USH2A: variants seen among roughly 807,000 people sequenced by gnomAD.
The protein encoded by USH2A is usherin.
Under a neutral mutation model 538.9 loss-of-function variants are expected in USH2A, and 443 were observed. The ratio of observed to expected loss-of-function variants is 0.82; its 90% CI spans 0.76 to 0.89. The LOEUF (loss-of-function observed/expected upper bound fraction) is 0.89, where lower values mean the gene tolerates loss of function less well. Ranked by LOEUF, USH2A falls within the 40% of genes least tolerant of loss-of-function variation. The probability of loss-of-function intolerance (pLI) is 0.00; values close to 1 mark genes in which losing one functional copy is unlikely to be tolerated. For synonymous variants in USH2A, 2,413 were observed against 2,273.5 expected, an observed-to-expected ratio of 1.06 and a Z score of -1.75; for missense variants, 6,633 against 6,324.8, an observed-to-expected ratio of 1.05 and a Z score of -1.65.
At chr1:215,899,023 C>G (rs909299631) in intron 40 of USH2A, among the ~76,000 whole-genome samples, 4 of 152,078 alleles carry the variant, frequency 2.6e-5, no homozygotes, top group African/African-American at 9.7e-5. Flanking sequence ...CATTATTGCT[C>G]ATAAAGGTGG....
Position 216,422,471 on chromosome 1 carries a change from C to T in USH2A, c.-135G>A, listed in dbSNP as rs1257850737. 2 of 1,323,836 alleles carry T rather than the reference C, an allele frequency of 1.5e-6. No homozygotes were observed. Among genetic ancestry groups the T allele is most frequent in the East Asian group, 5.0e-5 (2 of 40,024 alleles). The allele number at this position is 1,323,836 out of a possible 1,614,324, so 82.0% of individuals were successfully genotyped here. On this transcript the variant is annotated 5_prime_UTR_variant, in exon 2 of 72. Coordinates refer to ENST00000307340, the MANE Select transcript of USH2A (RefSeq NM_206933.4). The stretch of plus-strand genomic sequence containing the variant: ...TACTCCATTTTCTGGAAACTGCAGA[C>T]ACGTTCTCAGAGTAAGGTAATACCA...
At chr1:216,300,277 A>G (rs2037188489) in intron 9 of USH2A, among the ~76,000 whole-genome samples, 1 of 152,136 alleles carries the variant, frequency 6.6e-6, no homozygotes, top group African/African-American at 2.4e-5. Context: ...ATGGTTTTCT[A>G]TTTCATGTTT....
At chr1:216,284,409 G>A (rs982101191) in intron 11 of USH2A, among the ~76,000 whole-genome samples, 3 of 152,110 alleles carry the variant, frequency 2.0e-5, no homozygotes, top group Non-Finnish European at 4.4e-5. Flanking sequence ...TCTCCTTGCT[G>A]TCACCATGTG....
In USH2A at chr1:215,741,409, G is replaced by A; in HGVS notation, c.11677C>T (p.Pro3893Ser). 1 of 1,613,874 alleles carries A rather than the reference G, an allele frequency of 6.2e-7. No individual in the cohort carries two copies. Among genetic ancestry groups the A allele is most frequent in the Non-Finnish European group, 8.5e-7 (1 of 1,179,944 alleles). ...IEIKWMPPEK[P>S]NGIIINYFIY... ...AAGTAGTTGATGATGATTCCATTTGGTTTTTCAGGTGGCATCCACTTAATC... is the reference window on the plus strand; with the variant it reads ...AAGTAGTTGATGATGATTCCATTTGATTTTTCAGGTGGCATCCACTTAATC... Residue 3893 changes from proline (P) to serine (S), a missense_variant, in exon 60 of 72, where the codon CCA becomes TCA. Coordinates refer to ENST00000307340, the MANE Select transcript of USH2A (RefSeq NM_206933.4).
intron 50 of USH2A, among the ~76,000 whole-genome samples, chr1:215,797,878 C>T (rs1662189721): frequency 6.6e-6 from 1 of 151,974 alleles, no homozygotes; most frequent in African/African-American, 2.4e-5. Context: ...TTTTGTAAGG[C>T]TATAGCTGCC....
chr1:216,051,635 T>A (rs560861976), intron 30 of USH2A, among the ~76,000 whole-genome samples: 1 of 152,342 alleles, frequency 6.6e-6, no homozygotes, highest in South Asian at 2.1e-4. Context: ...TTTCCCTTTA[T>A]CATCACTTAA....
chr1:216,018,327 G>T (rs1351318469), intron 32 of USH2A, among the ~76,000 whole-genome samples: 2 of 151,236 alleles, frequency 1.3e-5, no homozygotes, highest in Non-Finnish European at 2.9e-5. Context: ...CGCAGCTAGT[G>T]GCTAAACACA....
At chr1:216,213,393 T>C (rs2035282276) in intron 15 of USH2A, among the ~76,000 whole-genome samples, 1 of 152,062 alleles carries the variant, frequency 6.6e-6, no homozygotes, top group African/African-American at 2.4e-5. Flanking sequence ...TGATCTTAGA[T>C]CTCAGTCTTT....
At chr1:216,394,635 T>C (rs540593068) in intron 3 of USH2A, among the ~76,000 whole-genome samples, 15 of 152,196 alleles carry the variant, frequency 9.9e-5, no homozygotes, top group African/African-American at 3.4e-4. Context: ...AAACAGACGT[T>C]TCATAGAAAT....
rs371387260 is a variant in USH2A at position 215,640,800 on chromosome 1, TA to T, written c.14792-67del. The T allele has an allele frequency of 0.15, 137,127 of 938,180 alleles. 329 individuals are homozygous for T. The highest frequency in any genetic ancestry group is 0.23 in the African/African-American group (9,698 of 42,142). 58.1% of individuals were successfully genotyped at this position (938,180 alleles called of 1,614,324 possible). On this transcript the variant is annotated intron_variant, in intron 67 of 71. Coordinates refer to ENST00000307340, the MANE Select transcript of USH2A (RefSeq NM_206933.4). ...TTTGAAGGAGTGCAGGTGTGCACTT[TA>T]AAAAAAAAAAATATGAGCAAAATCA...
chr1:215,964,085 T>A (rs757079167), intron 37 of USH2A, among the ~76,000 whole-genome samples: 4 of 152,070 alleles, frequency 2.6e-5, no homozygotes, highest in Non-Finnish European at 5.9e-5. Flanking sequence ...GAAGATGACA[T>A]GACTTAGAAG....
rs2038868177 is a variant in USH2A, at chr1:216,378,020, A to ATTTGTG, written c.652-12936_652-12935insCACAAA. On this transcript the variant is annotated intron_variant, in intron 3 of 71. Transcript: ENST00000307340. ...GTGCTTCGGATGGTTCTGCCTTCACAAAGCCTGGCTTAGCTTGCCTCAAAG... is the reference window on the plus strand; with the variant it reads ...GTGCTTCGGATGGTTCTGCCTTCACATTTGTGAAGCCTGGCTTAGCTTGCCTCAAAG... Among the ~76,000 whole-genome samples the ATTTGTG allele has an allele frequency of 2.6e-5, 4 of 152,130 alleles. No individual in the cohort carries two copies. In the South Asian group the frequency reaches 8.3e-4, roughly 32 times the overall value.
intron 58 of USH2A, among the ~76,000 whole-genome samples, chr1:215,753,489 T>G (rs1203259233): frequency 6.6e-6 from 1 of 152,106 alleles, no homozygotes; most frequent in Non-Finnish European, 1.5e-5. Context: ...CCATAAAAAA[T>G]GATGAGTTCA....
At chr1:216,031,302 G>A (rs1374636968) in intron 32 of USH2A, among the ~76,000 whole-genome samples, 1 of 152,036 alleles carries the variant, frequency 6.6e-6, no homozygotes, top group African/African-American at 2.4e-5. Flanking sequence ...TGTAGGCTTA[G>A]TATCTACAGC....
At chr1:216,176,703 C>T (rs1170554024) in intron 20 of USH2A, among the ~76,000 whole-genome samples, 1 of 152,064 alleles carries the variant, frequency 6.6e-6, no homozygotes, top group African/African-American at 2.4e-5. Flanking sequence ...CCTCTGTGCC[C>T]TGCCTATTCA....
At chr1:216,170,246 G>T (rs2034250466) in intron 21 of USH2A, among the ~76,000 whole-genome samples, 1 of 151,860 alleles carries the variant, frequency 6.6e-6, no homozygotes, top group South Asian at 2.1e-4. Context: ...GATTTTTGGT[G>T]GTTGCATTTC....
intron 37 of USH2A, among the ~76,000 whole-genome samples, chr1:215,935,355 C>G (rs1175219546): frequency 6.6e-6 from 1 of 151,908 alleles, no homozygotes; most frequent in Non-Finnish European, 1.5e-5. Flanking sequence ...ATCTAATGCC[C>G]TTTTAAATTT....
intron 9 of USH2A, among the ~76,000 whole-genome samples, chr1:216,298,431 T>C (rs1163106540): frequency 2.6e-5 from 4 of 152,212 alleles, no homozygotes; most frequent in African/African-American, 2.4e-5. Flanking sequence ...AAAAGCCTAA[T>C]TGTAAATAAG....
intron 11 of USH2A, among the ~76,000 whole-genome samples, chr1:216,251,611 C>T (rs2036165128): frequency 6.6e-6 from 1 of 151,912 alleles, no homozygotes; most frequent in South Asian, 2.1e-4. Flanking sequence ...CCACCACGCT[C>T]AGCTAATTTT....
Sources: gnomAD v4.1 joint callset for allele counts (sites outside exome capture counted in the v4.1 genomes callset) on GRCh38, gnomAD v4.1.1 for gene constraint, MANE v1.5 for transcripts, NCBI Gene and HGNC (gene_info 2026-07-23, HGNC 2026-07-21) for gene names.